PXDNL: variants seen among roughly 807,000 people sequenced by gnomAD.
The protein encoded by PXDNL is peroxidasin like.
A neutral mutation model predicts 150.8 loss-of-function variants in PXDNL; 145 were observed. That is an observed-to-expected ratio of 0.96 (90% CI 0.84 to 1.10). The LOEUF (loss-of-function observed/expected upper bound fraction) is 1.10, where lower values mean the gene tolerates loss of function less well. Among genes scored for constraint, PXDNL ranks in the 50% least tolerant of loss-of-function variants. PXDNL has a pLI of 0.00. For missense variants in PXDNL, 2,087 were observed against 1,873.9 expected, an observed-to-expected ratio of 1.11 and a Z score of -2.10; for synonymous variants, 757 against 725.7, an observed-to-expected ratio of 1.04 and a Z score of -0.69.
intron 7 of PXDNL, among the ~76,000 whole-genome samples, chr8:51,473,416 TG>T (rs1810394773): frequency 6.6e-6 from 1 of 151,866 alleles, no homozygotes; most frequent in Non-Finnish European, 1.5e-5. Flanking sequence ...GGTAGGTCAG[TG>T]GGAAGGGGGT....
At chr8:51,774,481 T>C (rs988617444) in intron 1 of PXDNL, among the ~76,000 whole-genome samples, 12 of 152,220 alleles carry the variant, frequency 7.9e-5, no homozygotes, top group Admixed American at 3.9e-4. Flanking sequence ...AATTTAACCA[T>C]GTAAACCTTC....
intron 4 of PXDNL, among the ~76,000 whole-genome samples, 192 bp from the exon 5 acceptor site, chr8:51,499,962 G>A (rs555749194): frequency 2.6e-5 from 4 of 152,240 alleles, no homozygotes; most frequent in Non-Finnish European, 5.9e-5. Context: ...CTAAAAACCT[G>A]ATGTTCCAAA....
chr8:51,464,514 C>T (rs1421016801), intron 8 of PXDNL, among the ~76,000 whole-genome samples: 3 of 152,018 alleles, frequency 2.0e-5, no homozygotes, highest in Non-Finnish European at 4.4e-5. Context: ...CAAATAAGCA[C>T]AATCAGAAAT....
intron 17 of PXDNL, among the ~76,000 whole-genome samples, chr8:51,402,679 GC>G (rs1808293442): frequency 6.6e-6 from 1 of 152,106 alleles, no homozygotes; most frequent in Non-Finnish European, 1.5e-5. Flanking sequence ...TTTCAAAATG[GC>G]CCATGGCCTC....
chr8:51,433,259 C>T (rs534911396), intron 12 of PXDNL, among the ~76,000 whole-genome samples: 242 of 148,004 alleles, frequency 1.6e-3, no homozygotes, highest in African/African-American at 5.8e-3. Flanking sequence ...AGAAATATTT[C>T]TAACATTTCA....
chr8:51,322,166 G>GA (rs1478669216), intron 21 of PXDNL, among the ~76,000 whole-genome samples: 2 of 152,134 alleles, frequency 1.3e-5, no homozygotes, highest in Non-Finnish European at 2.9e-5. Context: ...TCAGCCTCCA[G>GA]AACTGTGAAA....
At chr8:51,577,241 T>C (rs970941438) in intron 3 of PXDNL, among the ~76,000 whole-genome samples, 5 of 151,640 alleles carry the variant, frequency 3.3e-5, no homozygotes, top group South Asian at 2.1e-4. Flanking sequence ...GATACACAAA[T>C]TGTCAAGAAA....
intron 10 of PXDNL, 30 bp from the exon 11 acceptor site, chr8:51,449,148 G>T: frequency 7.9e-7 from 1 of 1,259,892 alleles, no homozygotes; most frequent in South Asian, 1.4e-5. Flanking sequence ...CATCAAAATT[G>T]AAAATTATTT....
At chr8:51,506,270 C>T (rs1447111593) in intron 4 of PXDNL, among the ~76,000 whole-genome samples, 1 of 152,152 alleles carries the variant, frequency 6.6e-6, no homozygotes, top group African/African-American at 2.4e-5. Context: ...AGGCTGGGCA[C>T]AGTGGCTCAC....
intron 20 of PXDNL, among the ~76,000 whole-genome samples, chr8:51,342,298 CCT>C (rs1480770203): frequency 1.3e-5 from 2 of 151,718 alleles, no homozygotes; most frequent in Non-Finnish European, 2.9e-5. Context: ...GGAGGGATGA[CCT>C]ATATTCATCA....
intron 10 of PXDNL, among the ~76,000 whole-genome samples, chr8:51,452,264 C>A (rs1809823295): frequency 6.6e-6 from 1 of 152,172 alleles, no homozygotes; most frequent in Non-Finnish European, 1.5e-5. Context: ...TCAATCTCAA[C>A]ATATTAAAAG....
chr8:51,607,921 GGAAGGAAA>G (rs1352124168), intron 2 of PXDNL, among the ~76,000 whole-genome samples: 1 of 133,958 alleles, frequency 7.5e-6, no homozygotes, highest in African/African-American at 3.2e-5. Context: ...AGGGAAGGAA[GGAAGGAAA>G]GAAAGAAAGA....
chr8:51,592,788 C>T (rs926921864), intron 2 of PXDNL, 90 bp from the exon 3 acceptor site: 2 of 834,288 alleles, frequency 2.4e-6, no homozygotes, highest in Admixed American at 7.4e-5. Flanking sequence ...GTGCTTTACA[C>T]AACAGAAAAA....
Position 51,628,333 on chromosome 8 carries a change from CTTTA to C in PXDNL, c.236+26352_236+26355del, listed in dbSNP as rs1031809393. On this transcript the variant is annotated intron_variant, in intron 2 of 22. Transcript: ENST00000356297. Reference sequence around the variant, plus strand: ...CTTTGGGAGAGGCTTCTCTCTTCTTCTTTATTTCTTTCTTTCTTTCTTTTCTTTC... The same window carrying C: ...CTTTGGGAGAGGCTTCTCTCTTCTTCTTTCTTTCTTTCTTTCTTTTCTTTC... Among the ~76,000 whole-genome samples, 493 of 142,400 alleles carry C rather than the reference CTTTA, an allele frequency of 3.5e-3. 2 individuals are homozygous for C. The highest frequency in any genetic ancestry group is 0.012 in the African/African-American group (449 of 36,566). 93.4% of individuals were successfully genotyped at this position (142,400 alleles called of 152,430 possible).
Position 51,556,822 on chromosome 8 carries a change from A to C in PXDNL, c.380+18T>G. 2.2e-6 allele frequency: 3 copies of C among 1,394,566 alleles called. No individual in the cohort carries two copies. The highest frequency in any genetic ancestry group is 2.0e-6 in the Non-Finnish European group (2 of 982,972). The allele number at this position is 1,394,566 out of a possible 1,614,324, so 86.4% of individuals were successfully genotyped here. A position where few individuals can be genotyped will look rare whatever the true frequency, so the allele number is the denominator to read the frequency against. On this transcript the variant is annotated intron_variant, in intron 4 of 22. Transcript: ENST00000356297. ...CTGTCACCATGAGTGATTTAATAAA[A>C]AAGTTTCTATTACTTACAGATGTTC...
intron 1 of PXDNL, among the ~76,000 whole-genome samples, chr8:51,663,269 T>C (rs966093903): frequency 6.6e-6 from 1 of 152,162 alleles, no homozygotes; most frequent in African/African-American, 2.4e-5. Context: ...ACCCCAGTGA[T>C]GGACCAGCAG....
intron 8 of PXDNL, among the ~76,000 whole-genome samples, chr8:51,459,193 G>A (rs1387621876): frequency 6.6e-6 from 1 of 152,212 alleles, no homozygotes; most frequent in African/African-American, 2.4e-5. Flanking sequence ...ACTTTGGGAG[G>A]CCAAGGCAGG....
rs564959808 is a variant in PXDNL at position 51,385,370 on chromosome 8, T to C, written c.3558-10639A>G. Among the ~76,000 whole-genome samples the C allele has an allele frequency of 1.1e-3, 173 of 152,054 alleles. 1 individual carries two copies. Among genetic ancestry groups the C allele is most frequent in the Non-Finnish European group, 1.9e-3 (126 of 67,968 alleles). On this transcript the variant is annotated intron_variant, in intron 17 of 22. Transcript: ENST00000356297. ...ACACTTTCCACTGTGTAGGACAATG[T>C]CATTAAATGTTATGTTTACACACTA...
chr8:51,402,579 T>A (rs1808290649), intron 17 of PXDNL, among the ~76,000 whole-genome samples: 1 of 152,054 alleles, frequency 6.6e-6, no homozygotes, highest in Non-Finnish European at 1.5e-5. Flanking sequence ...GAGTGACAAA[T>A]AAACTTATAC....
Sources: allele counts gnomAD v4.1 joint callset (sites outside exome capture counted in the v4.1 genomes callset), GRCh38; gene constraint gnomAD v4.1.1; transcripts MANE v1.5; gene names NCBI Gene and HGNC (gene_info 2026-07-23, HGNC 2026-07-21).